CLSTN2: variants seen among roughly 807,000 people sequenced by gnomAD.
CLSTN2 encodes the protein calsyntenin 2, also known as calsyntenin-2.
Under a neutral mutation model 101.2 loss-of-function variants are expected in CLSTN2, and 48 were observed. The ratio of observed to expected loss-of-function variants is 0.47; its 90% CI spans 0.38 to 0.60. The LOEUF (loss-of-function observed/expected upper bound fraction) is 0.60, where lower values mean the gene tolerates loss of function less well. Ranked by LOEUF, CLSTN2 falls within the 20% of genes least tolerant of loss-of-function variation. The pLI, the probability that CLSTN2 is intolerant of heterozygous loss-of-function variation, is 0.00. For missense variants in CLSTN2, 1,160 were observed against 1,238.2 expected (o/e 0.94, Z 0.95); for synonymous variants, 481 against 463.6 (o/e 1.04, Z -0.48).
At chr3:140,343,245 C>T (rs1297946283) in intron 2 of CLSTN2, among the ~76,000 whole-genome samples, 1 of 152,138 alleles carries the variant, frequency 6.6e-6, no homozygotes, top group Non-Finnish European at 1.5e-5. Flanking sequence ...CGAAAACTAC[C>T]CCCTAGCTCT....
chr3:140,168,298 T>C (rs2010163689), intron 1 of CLSTN2, among the ~76,000 whole-genome samples: 1 of 152,174 alleles, frequency 6.6e-6, no homozygotes, highest in African/African-American at 2.4e-5. Flanking sequence ...CAAATTTTTA[T>C]GCTCTAATTT....
intron 8 of CLSTN2, among the ~76,000 whole-genome samples, chr3:140,479,723 A>G (rs531926553): frequency 6.6e-6 from 1 of 152,316 alleles, no homozygotes; most frequent in East Asian, 1.9e-4. Flanking sequence ...CACATAAGAG[A>G]ATAGAAATGG....
At chr3:140,350,047 A>T (rs1245025540) in intron 2 of CLSTN2, among the ~76,000 whole-genome samples, 2 of 152,240 alleles carry the variant, frequency 1.3e-5, no homozygotes, top group African/African-American at 4.8e-5. Flanking sequence ...GGAGTTAGAC[A>T]AAGGCTGAGG....
chr3:140,051,408 A>G (rs115803055), intron 1 of CLSTN2, among the ~76,000 whole-genome samples: 2,338 of 152,274 alleles, frequency 0.015, 58 homozygotes, highest in African/African-American at 0.051. Context: ...CCTTCAGTCC[A>G]TTCCCGTTCC....
intron 2 of CLSTN2, among the ~76,000 whole-genome samples, chr3:140,185,700 G>C (rs1448822373): frequency 6.6e-6 from 1 of 152,060 alleles, no homozygotes; most frequent in East Asian, 1.9e-4. Flanking sequence ...AGATGGTGGG[G>C]GGCACGTGGG....
Position 140,286,861 on chromosome 3 carries a change from G to A in CLSTN2, c.232+110788G>A, listed in dbSNP as rs548581280. On this transcript the variant is annotated intron_variant, in intron 2 of 16. Transcript: ENST00000458420. ...CCAGAGGGATAGGTGGGCTTTGTAG[G>A]AGTGGGAGGTAAGCGATGATGTTTC... is the stretch of plus-strand genomic sequence containing the variant. 5.5e-4 allele frequency among the ~76,000 whole-genome samples: 83 copies of A among 152,292 alleles called. 1 individual carries two copies. The Middle Eastern group carries it at 0.014, about 25-fold the overall frequency.
At chr3:139,947,051 G>T (rs1428234299) in intron 1 of CLSTN2, among the ~76,000 whole-genome samples, 1 of 152,176 alleles carries the variant, frequency 6.6e-6, no homozygotes, top group East Asian at 1.9e-4. Flanking sequence ...TCTCCTAGGG[G>T]CAGTGTCACA....
chr3:140,117,087 G>T (rs2009256942), intron 1 of CLSTN2, among the ~76,000 whole-genome samples: 1 of 152,144 alleles, frequency 6.6e-6, no homozygotes. Flanking sequence ...GGCGTTTCCT[G>T]TGTGTGAAAT....
intron 1 of CLSTN2, among the ~76,000 whole-genome samples, chr3:139,983,752 C>T (rs1295310815): frequency 6.6e-6 from 1 of 151,838 alleles, no homozygotes; most frequent in Non-Finnish European, 1.5e-5. Flanking sequence ...AAAAATCAAC[C>T]TCCAAATTAT....
chr3:140,115,061 T>C (rs954429228), intron 1 of CLSTN2, among the ~76,000 whole-genome samples: 3 of 152,224 alleles, frequency 2.0e-5, no homozygotes, highest in African/African-American at 7.2e-5. Flanking sequence ...TTCTTGTTTC[T>C]AGGTGATTAT....
chr3:140,125,969 G>C (rs2009423242), intron 1 of CLSTN2, among the ~76,000 whole-genome samples: 1 of 152,172 alleles, frequency 6.6e-6, no homozygotes, highest in Non-Finnish European at 1.5e-5. Flanking sequence ...GAGGGCCCTG[G>C]AGGGGTTCAA....
intron 8 of CLSTN2, among the ~76,000 whole-genome samples, chr3:140,511,340 T>A (rs1934809346): frequency 6.6e-6 from 1 of 152,184 alleles, no homozygotes; most frequent in African/African-American, 2.4e-5. Flanking sequence ...CACGTGCTTG[T>A]ATCTTTATAA....
chr3:140,095,290 G>A (rs2008851040), intron 1 of CLSTN2, among the ~76,000 whole-genome samples: 1 of 152,158 alleles, frequency 6.6e-6, no homozygotes, highest in Non-Finnish European at 1.5e-5. Context: ...TTCTTCAGGA[G>A]CTACTGTCGT....
intron 1 of CLSTN2, among the ~76,000 whole-genome samples, chr3:140,042,287 G>A (rs1199945423): frequency 9.9e-5 from 15 of 152,164 alleles, no homozygotes; most frequent in African/African-American, 3.6e-4. Context: ...CTGCTGCACA[G>A]TTATCCATAT....
At chr3:140,116,666 C>T (rs1221500712) in intron 1 of CLSTN2, among the ~76,000 whole-genome samples, 1 of 152,164 alleles carries the variant, frequency 6.6e-6, no homozygotes, top group Non-Finnish European at 1.5e-5. Context: ...GCCTCAGTCC[C>T]AGCCCTCTAT....
chr3:139,949,895 C>A (rs1408040976), intron 1 of CLSTN2, among the ~76,000 whole-genome samples: 2 of 152,174 alleles, frequency 1.3e-5, no homozygotes, highest in African/African-American at 4.8e-5. Context: ...CTCCATTTTC[C>A]AAACAGGTCA....
intron 2 of CLSTN2, among the ~76,000 whole-genome samples, chr3:140,322,467 T>C (rs2087293076): frequency 1.3e-5 from 2 of 152,204 alleles, no homozygotes; most frequent in Non-Finnish European, 2.9e-5. Context: ...CAAGAGGTGC[T>C]GAGTAGGAAT....
intron 2 of CLSTN2, among the ~76,000 whole-genome samples, chr3:140,207,670 C>T (rs1267746387): frequency 6.6e-6 from 1 of 152,134 alleles, no homozygotes; most frequent in Non-Finnish European, 1.5e-5. Flanking sequence ...TGAAAATCCT[C>T]CTGTGTACAT....
chr3:140,075,995 T>G (rs534095663), intron 1 of CLSTN2, among the ~76,000 whole-genome samples: 1 of 152,276 alleles, frequency 6.6e-6, no homozygotes, highest in South Asian at 2.1e-4. Context: ...AATACAGTAT[T>G]GTTAACTATA....
Sources: gnomAD v4.1 joint callset for allele counts (sites outside exome capture counted in the v4.1 genomes callset) on GRCh38, gnomAD v4.1.1 for gene constraint, MANE v1.5 for transcripts, NCBI Gene and HGNC (gene_info 2026-07-23, HGNC 2026-07-21) for gene names.